The following ANO3 variants were observed in gnomAD, a reference collection of about 807,000 sequenced individuals.
The protein encoded by ANO3 is anoctamin 3, also known as anoctamin-3.
A neutral mutation model predicts 144.8 loss-of-function variants in ANO3; 99 were observed. The ratio of observed to expected loss-of-function variants is 0.68; its 90% confidence interval spans 0.58 to 0.81. The LOEUF (loss-of-function observed/expected upper bound fraction) is 0.81, where lower values mean the gene tolerates loss of function less well. ANO3 is among the 30% of genes least tolerant of loss of function. The pLI is 0.00. For synonymous variants in ANO3, 414 were observed against 392.6 expected (o/e 1.05, Z -0.64); for missense variants, 905 against 1,202.2 (o/e 0.75, Z 3.66).
At chr11:26,260,303 C>T (rs1853157977) in intron 1 of ANO3, among the ~76,000 whole-genome samples, 1 of 152,302 alleles carries the variant, frequency 6.6e-6, no homozygotes, top group South Asian at 2.1e-4. Flanking sequence ...TACATGTCTG[C>T]AGTTTACACA....
chr11:26,338,227 A>C (rs1401617601), intron 1 of ANO3, among the ~76,000 whole-genome samples: 1 of 152,038 alleles, frequency 6.6e-6, no homozygotes, highest in Non-Finnish European at 1.5e-5. Context: ...GAACTTGGAG[A>C]ACTTTTCTGT....
intron 1 of ANO3, among the ~76,000 whole-genome samples, chr11:26,359,468 G>A (rs1246317257): frequency 6.6e-6 from 1 of 152,144 alleles, no homozygotes; most frequent in Non-Finnish European, 1.5e-5. Flanking sequence ...TCACATGTAT[G>A]TACTGATCAT....
Position 26,463,313 on chromosome 11 carries a change from A to G in ANO3, c.432+165A>G, listed in dbSNP as rs113967511. Among the ~76,000 whole-genome samples the G allele has an allele frequency of 8.0e-3, 1,216 of 152,002 alleles. 20 individuals are homozygous for G. Among genetic ancestry groups the G allele is most frequent in the African/African-American group, 0.028 (1,147 of 41,534 alleles). On this transcript the variant is annotated intron_variant, in intron 4 of 26. Transcript: ENST00000256737. ...GCAAAAAGTTGTATATAGAGTTGAT[A>G]TTCATATTTGTTATATTGATTCATC...
chr11:26,490,618 C>T (rs748134518), intron 4 of ANO3, among the ~76,000 whole-genome samples: 3 of 152,118 alleles, frequency 2.0e-5, no homozygotes, highest in Non-Finnish European at 2.9e-5. Flanking sequence ...AACAGTATAA[C>T]GTCACAGAGA....
intron 1 of ANO3, among the ~76,000 whole-genome samples, chr11:26,342,523 C>T (rs1855391465): frequency 6.6e-6 from 1 of 152,174 alleles, no homozygotes; most frequent in Non-Finnish European, 1.5e-5. Context: ...TGGAAGCAGA[C>T]CAGACCTTAT....
rs1238197246 is a variant in ANO3, at chr11:26,460,424, G to C, written c.314-2606G>C. Among the ~76,000 whole-genome samples, 5 of 51,918 alleles carry C rather than the reference G, an allele frequency of 9.6e-5. 1 individual carries two copies. In the East Asian group the frequency reaches 2.1e-3, roughly 22 times the overall value. The allele number at this position is 51,918 out of a possible 152,430, so 34.1% of individuals were successfully genotyped here. ...AGAAAGAAAAAGAAGAAGAAAGGGG[G>C]GGGGGCGGGCGGGTGGAAGGAAAGA... On this transcript the variant is annotated intron_variant, in intron 3 of 26. Transcript: ENST00000256737.
At chr11:26,629,669 T>C (rs1411827440) in intron 18 of ANO3, among the ~76,000 whole-genome samples, 1 of 152,148 alleles carries the variant, frequency 6.6e-6, no homozygotes, top group Non-Finnish European at 1.5e-5. Context: ...TTTGCTCTTG[T>C]TGCCCAGGCT....
chr11:26,460,419 A>G lies in ANO3; in HGVS notation c.314-2611A>G, dbSNP rs1436444384. Among the ~76,000 whole-genome samples, 8 of 114,050 alleles carry G rather than the reference A, an allele frequency of 7.0e-5. No homozygotes were observed. The East Asian group carries it at 1.8e-3, about 26-fold the overall frequency. 74.8% of individuals were successfully genotyped at this position (114,050 alleles called of 152,430 possible). ...TACCAAGAAAGAAAAAGAAGAAGAA[A>G]GGGGGGGGGGCGGGCGGGTGGAAGG... is the stretch of plus-strand genomic sequence containing the variant. On this transcript the variant is annotated intron_variant, in intron 3 of 26. Transcript: ENST00000256737.
At chr11:26,190,973 G>A (rs1042688168) in intron 1 of ANO3, among the ~76,000 whole-genome samples, 2 of 152,020 alleles carry the variant, frequency 1.3e-5, no homozygotes, top group Non-Finnish European at 2.9e-5. Flanking sequence ...ATGCATATTG[G>A]TTAATATCTA....
At chr11:26,262,647 A>T (rs1465441399) in intron 1 of ANO3, among the ~76,000 whole-genome samples, 1 of 151,958 alleles carries the variant, frequency 6.6e-6, no homozygotes, top group East Asian at 1.9e-4. Flanking sequence ...GGGAGACAGT[A>T]TTAGGACCTG....
At chr11:26,522,942 T>G (rs1862142304) in intron 6 of ANO3, among the ~76,000 whole-genome samples, 1 of 152,168 alleles carries the variant, frequency 6.6e-6, no homozygotes, top group Non-Finnish European at 1.5e-5. Flanking sequence ...AGTAGCCCTA[T>G]GTTAGTCCGT....
At chr11:26,570,325 A>G (rs117650702) in intron 14 of ANO3, among the ~76,000 whole-genome samples, 69 of 152,130 alleles carry the variant, frequency 4.5e-4, no homozygotes, top group Admixed American at 7.2e-4. Context: ...AAAACAAAAA[A>G]CACCTCTGGC....
At chr11:26,358,873 C>T (rs1048956172) in intron 1 of ANO3, among the ~76,000 whole-genome samples, 1 of 152,028 alleles carries the variant, frequency 6.6e-6, no homozygotes, top group African/African-American at 2.4e-5. Flanking sequence ...TAATCCTATC[C>T]AGTGTATGGT....
rs554451623 is a variant in ANO3 at position 26,281,753 on chromosome 11, T to C, written c.155-27892T>C. ...AAAGCCTAAGACCTTGGTTATATGC[T>C]GATAAGTTCCTGAAAGTACTGCTTG... On this transcript the variant is annotated intron_variant, in intron 1 of 27. Coordinates refer to the ANO3 transcript ENST00000672621. 2.1e-3 allele frequency among the ~76,000 whole-genome samples: 321 copies of C among 152,338 alleles called. 1 individual carries two copies. Among genetic ancestry groups the C allele is most frequent in the African/African-American group, 7.3e-3 (304 of 41,580 alleles).
chr11:26,329,286 T>C (rs924283557), upstream of ANO3, among the ~76,000 whole-genome samples: 3 of 142,896 alleles, frequency 2.1e-5, no homozygotes, highest in Admixed American at 7.5e-5. Context: ...AAAACGTACT[T>C]TCTTTCTTTA....
chr11:26,204,824 T>C (rs1851766178), intron 1 of ANO3, among the ~76,000 whole-genome samples: 1 of 152,236 alleles, frequency 6.6e-6, no homozygotes, highest in South Asian at 2.1e-4. Flanking sequence ...GTGTGCTTCA[T>C]GTTCTATAAA....
intron 22 of ANO3, 129 bp from the exon 23 acceptor site, chr11:26,643,053 A>T (rs1853221595): frequency 2.5e-6 from 2 of 784,620 alleles, no homozygotes. Flanking sequence ...AGGTTGTCCT[A>T]ACTGTAAAAT....
At chr11:26,352,388 A>G (rs774959310) in intron 1 of ANO3, among the ~76,000 whole-genome samples, 3 of 152,168 alleles carry the variant, frequency 2.0e-5, no homozygotes, top group Non-Finnish European at 2.9e-5. Flanking sequence ...TATTTTTAAA[A>G]TATATTTTAT....
chr11:26,445,383 A>T (rs1050972069), intron 3 of ANO3, among the ~76,000 whole-genome samples: 2 of 152,200 alleles, frequency 1.3e-5, no homozygotes, highest in African/African-American at 4.8e-5. Flanking sequence ...TCACCCTATT[A>T]AAAAACCTTC....
Sources: allele counts gnomAD v4.1 joint callset (sites outside exome capture counted in the v4.1 genomes callset), GRCh38; gene constraint gnomAD v4.1.1; transcripts MANE v1.5; gene names NCBI Gene and HGNC (gene_info 2026-07-23, HGNC 2026-07-21).